SORL1: variants seen among roughly 807,000 people sequenced by gnomAD.
SORL1 encodes sortilin-related receptor.
In SORL1, 127 loss-of-function variants were observed where a neutral mutation model predicts 273.7. The ratio of observed to expected loss-of-function variants is 0.46; its 90% CI spans 0.40 to 0.54. SORL1 has a LOEUF of 0.54. Ranked by LOEUF, SORL1 falls within the 20% of genes least tolerant of loss-of-function variation. The pLI is 0.00. For missense variants in SORL1, 2,494 were observed against 2,846.1 expected, an observed-to-expected ratio of 0.88 and a Z score of 2.81; for synonymous variants, 1,031 against 1,067.4, an observed-to-expected ratio of 0.97 and a Z score of 0.66.
chr11:121,542,850 G>A (rs925234869), intron 12 of SORL1, among the ~76,000 whole-genome samples: 3 of 149,326 alleles, frequency 2.0e-5, no homozygotes, highest in Non-Finnish European at 3.0e-5. Context: ...ATATTGTTGT[G>A]TCCAACCCTT....
intron 36 of SORL1, 44 bp downstream of exon 36, chr11:121,607,001 T>A (rs1162381512): frequency 7.0e-7 from 1 of 1,423,982 alleles, no homozygotes; most frequent in African/African-American, 1.4e-5. Flanking sequence ...TTGGGGGTGC[T>A]AGGAGATTTC....
chr11:121,469,923 G>A (rs1223354128), intron 1 of SORL1, 84 bp from the exon 2 acceptor site: 4 of 985,218 alleles, frequency 4.1e-6, no homozygotes, highest in Non-Finnish European at 6.5e-6. Context: ...ATTTCTGCTT[G>A]ACAAAGGAGG....
chr11:121,479,822 G>A, intron 3 of SORL1, among the ~76,000 whole-genome samples: 1 of 152,168 alleles, frequency 6.6e-6, no homozygotes, highest in East Asian at 1.9e-4. Context: ...ATCTCAGAGT[G>A]GAGTGGCAGT....
At chr11:121,519,107 C>G (rs1861996829) in intron 8 of SORL1, among the ~76,000 whole-genome samples, 1 of 151,594 alleles carries the variant, frequency 6.6e-6, no homozygotes, top group Non-Finnish European at 1.5e-5. Context: ...GCCACCATGC[C>G]CAGCTAATTT....
In SORL1 at chr11:121,554,457, T is replaced by C. The variant is rs1015451012; in HGVS notation, c.2439+348T>C. Among the ~76,000 whole-genome samples, 15 of 152,200 alleles carry C rather than the reference T, an allele frequency of 9.9e-5. No individual in the cohort carries two copies. Among genetic ancestry groups the C allele is most frequent in the African/African-American group, 3.1e-4 (13 of 41,436 alleles). On this transcript the variant is annotated intron_variant, in intron 17 of 47. Coordinates refer to ENST00000260197, the MANE Select transcript of SORL1 (RefSeq NM_003105.6). This position sits in a 1 kb window ranked among gnomAD's most constrained non-coding sequence, Gnocchi z 4.6. ...GAGCATCTTTCTTCCCAAGCCATGATACAGTAACACTTGACTTACCCATAG... is the reference window on the plus strand; with the variant it reads ...GAGCATCTTTCTTCCCAAGCCATGACACAGTAACACTTGACTTACCCATAG...
chr11:121,585,254 C>T (rs1332194889), intron 26 of SORL1, among the ~76,000 whole-genome samples: 1 of 151,906 alleles, frequency 6.6e-6, no homozygotes, highest in Non-Finnish European at 1.5e-5. Context: ...GAGGCTGAGG[C>T]GGGAGGATGG....
intron 30 of SORL1, 97 bp from the exon 31 acceptor site, chr11:121,590,904 C>A: frequency 7.2e-7 from 1 of 1,397,438 alleles, no homozygotes; most frequent in Non-Finnish European, 1.0e-6. Context: ...GCAGGTACAG[C>A]TAAAACTGGG....
intron 21 of SORL1, among the ~76,000 whole-genome samples, chr11:121,560,268 A>T (rs1268080937): frequency 1.3e-5 from 2 of 152,186 alleles, no homozygotes; most frequent in African/African-American, 4.8e-5. Context: ...AGAATAAGGG[A>T]TGAAAAGGGA....
At chr11:121,566,807 G>A (rs929086922) in intron 21 of SORL1, 133 bp from the exon 22 acceptor site, 9 of 807,574 alleles carry the variant, frequency 1.1e-5, no homozygotes, top group Non-Finnish European at 1.3e-5. Flanking sequence ...CCCAAAGCTT[G>A]CCACTTGACC....
intron 22 of SORL1, among the ~76,000 whole-genome samples, chr11:121,567,862 C>A (rs951003874): frequency 2.6e-5 from 4 of 152,154 alleles, no homozygotes; most frequent in Non-Finnish European, 5.9e-5. Flanking sequence ...AGAATTTCTG[C>A]TTTTCCTTAT....
chr11:121,489,138 G>A (rs918066205), intron 4 of SORL1, among the ~76,000 whole-genome samples: 1 of 152,046 alleles, frequency 6.6e-6, no homozygotes, highest in African/African-American at 2.4e-5. Flanking sequence ...GTTCTCTGTG[G>A]GGCTCTGTAC....
At chr11:121,592,511 A>G (rs1338282126) in intron 31 of SORL1, among the ~76,000 whole-genome samples, 4 of 152,214 alleles carry the variant, frequency 2.6e-5, no homozygotes, top group Non-Finnish European at 5.9e-5. Context: ...ATTCCTTTAA[A>G]TGATTTCCAT....
intron 12 of SORL1, among the ~76,000 whole-genome samples, chr11:121,534,070 T>C (rs760008708): frequency 6.6e-5 from 10 of 152,230 alleles, no homozygotes; most frequent in Non-Finnish European, 1.0e-4. Flanking sequence ...TGTAGATGAA[T>C]AGGATGCCTG....
intron 1 of SORL1, among the ~76,000 whole-genome samples, chr11:121,462,774 G>A (rs974785701): frequency 6.6e-6 from 1 of 152,098 alleles, no homozygotes; most frequent in African/African-American, 2.4e-5. Flanking sequence ...TTGTAGAGAT[G>A]GGGTTGTGTC....
chr11:121,485,148 C>T (rs888333970), intron 3 of SORL1, among the ~76,000 whole-genome samples: 4 of 151,982 alleles, frequency 2.6e-5, no homozygotes, highest in Non-Finnish European at 5.9e-5. Context: ...GTTATATGAG[C>T]GTAGGGAGTG....
At chr11:121,607,051 T>G in intron 36 of SORL1, 94 bp downstream of exon 36, 2 of 1,100,268 alleles carry the variant, frequency 1.8e-6, no homozygotes, top group South Asian at 1.3e-5. Flanking sequence ...TTGGTTTAGC[T>G]TTGTAGGTGA....
chr11:121,619,417 C>G (rs1282725279), intron 42 of SORL1, among the ~76,000 whole-genome samples: 1 of 152,030 alleles, frequency 6.6e-6, no homozygotes, highest in Non-Finnish European at 1.5e-5. Context: ...TAAAAGAAGC[C>G]AAGAGCATAA....
intron 12 of SORL1, among the ~76,000 whole-genome samples, chr11:121,542,360 T>C (rs1332395441): frequency 2.0e-5 from 3 of 152,224 alleles, no homozygotes; most frequent in Admixed American, 2.0e-4. Context: ...ACATTGCAAA[T>C]TTGTTTAGTC....
intron 12 of SORL1, among the ~76,000 whole-genome samples, chr11:121,540,522 C>A (rs79034797): frequency 1.9e-3 from 194 of 103,724 alleles, no homozygotes; most frequent in Middle Eastern, 5.6e-3. Flanking sequence ...ACTAAAAATA[C>A]AAAAAAAAAA....
Sources: gnomAD v4.1 joint callset for allele counts (sites outside exome capture counted in the v4.1 genomes callset) on GRCh38, gnomAD v4.1.1 for gene constraint, Gnocchi (gnomAD v3.1) non-coding constraint, MANE v1.5 for transcripts, NCBI Gene and HGNC (gene_info 2026-07-23, HGNC 2026-07-21) for gene names.